The following ATXN7 variants were observed in gnomAD, a reference collection of about 807,000 sequenced individuals.
The protein encoded by ATXN7 is ataxin-7.
Under a neutral mutation model 70.5 loss-of-function variants are expected in ATXN7, and 12 were observed. The ratio of observed to expected loss-of-function variants is 0.17; its 90% CI spans 0.11 to 0.28. The LOEUF (loss-of-function observed/expected upper bound fraction) is 0.28, where lower values mean the gene tolerates loss of function less well. Ranked by LOEUF, ATXN7 falls within the 10% of genes least tolerant of loss-of-function variation. The probability of loss-of-function intolerance (pLI) is 1.00; values close to 1 mark genes in which losing one functional copy is unlikely to be tolerated. For missense variants in ATXN7, 1,256 were observed against 1,131.7 expected, an observed-to-expected ratio of 1.11 and a Z score of -1.58; for synonymous variants, 498 against 448.7, an observed-to-expected ratio of 1.11 and a Z score of -1.39.
At chr3:63,936,252 G>T (rs1289691766) in intron 4 of ATXN7, among the ~76,000 whole-genome samples, 1 of 152,038 alleles carries the variant, frequency 6.6e-6, no homozygotes, top group Non-Finnish European at 1.5e-5. Context: ...TAATTATATG[G>T]ATTTTTTTTT....
At chr3:63,960,075 G>T (rs2075102007) in intron 5 of ATXN7, among the ~76,000 whole-genome samples, 1 of 152,166 alleles carries the variant, frequency 6.6e-6, no homozygotes, top group Non-Finnish European at 1.5e-5. Flanking sequence ...AAAATGACTG[G>T]GGCAGACCAC....
At position 63,990,158 on chromosome 3, in the gene ATXN7, C is replaced by T. The variant is rs1575996636; in HGVS notation, c.1362-18C>T. ...CAGGTGTGTGATCTGATCCGTGCTG[C>T]ACTTTCTACTCACCAAGGCCTCCAG... On this transcript the variant is annotated intron_variant, in intron 9 of 12. Transcript: ENST00000674280. 6 of 1,611,526 alleles carry T rather than the reference C, an allele frequency of 3.7e-6. No homozygotes were observed. The East Asian group carries it at 8.9e-5, about 24-fold the overall frequency.
intron 12 of ATXN7, chr3:63,998,962 C>T (rs2075803211): frequency 6.3e-6 from 1 of 158,048 alleles, no homozygotes; most frequent in Non-Finnish European, 1.4e-5. Flanking sequence ...TGTTCATGGC[C>T]TGTGCCACCA....
At chr3:63,921,321 G>T (rs1704502385) in intron 4 of ATXN7, among the ~76,000 whole-genome samples, 1 of 151,878 alleles carries the variant, frequency 6.6e-6, no homozygotes, top group Admixed American at 6.5e-5. Context: ...TCATGCAACA[G>T]AAAAAAAGGT....
At chr3:63,898,011 A>G (rs1040269345) in intron 1 of ATXN7, among the ~76,000 whole-genome samples, 1 of 152,200 alleles carries the variant, frequency 6.6e-6, no homozygotes, top group Non-Finnish European at 1.5e-5. Context: ...TCTCCAGATA[A>G]TAATCTCATT....
intron 4 of ATXN7, among the ~76,000 whole-genome samples, chr3:63,949,460 G>T (rs1241904762): frequency 6.6e-6 from 1 of 151,944 alleles, no homozygotes; most frequent in East Asian, 1.9e-4. Context: ...GTGCAGTGGC[G>T]CAATCTTGGC....
At chr3:63,936,578 T>C (rs1229392758) in intron 4 of ATXN7, among the ~76,000 whole-genome samples, 2 of 152,214 alleles carry the variant, frequency 1.3e-5, no homozygotes, top group African/African-American at 4.8e-5. Flanking sequence ...GCTGGAAATA[T>C]ATCCCTTCAG....
chr3:63,966,505 C>G (rs370127807), intron 5 of ATXN7, among the ~76,000 whole-genome samples: 2 of 152,114 alleles, frequency 1.3e-5, no homozygotes, highest in African/African-American at 2.4e-5. Flanking sequence ...TCTTCCCTTG[C>G]GTTCTTCTAG....
chr3:63,964,073 AACACACACACACACAC>A (rs10557844), intron 5 of ATXN7, among the ~76,000 whole-genome samples: 7 of 147,180 alleles, frequency 4.8e-5, no homozygotes, highest in Middle Eastern at 3.5e-3. Flanking sequence ...TAGACACATA[AACACACACACACACAC>A]ACACACACAC....
At chr3:63,980,376 C>T (rs2106753968) in intron 6 of ATXN7, 1 of 649,022 alleles carries the variant, frequency 1.5e-6, no homozygotes, top group Admixed American at 3.0e-5. Flanking sequence ...AGGTTACTAA[C>T]ATTTATTGAT....
At chr3:63,892,491 A>ACACC (rs1305274117) in intron 1 of ATXN7, among the ~76,000 whole-genome samples, 1 of 148,446 alleles carries the variant, frequency 6.7e-6, no homozygotes, top group Non-Finnish European at 1.5e-5. Flanking sequence ...ACACACACAC[A>ACACC]CACCCACACA....
At position 63,999,738 on chromosome 3, in the gene ATXN7, A is replaced by G. The variant is rs1245748853; in HGVS notation, c.*271A>G. 3 of 580,536 alleles carry G rather than the reference A, an allele frequency of 5.2e-6. No individual in the cohort carries two copies. The highest frequency in any genetic ancestry group is 2.3e-5 in the South Asian group (1 of 42,908). 36.0% of individuals were successfully genotyped at this position (580,536 alleles called of 1,614,324 possible). A position where few individuals can be genotyped will look rare whatever the true frequency, so the allele number is the denominator to read the frequency against. On this transcript the variant is annotated 3_prime_UTR_variant, in exon 13 of 13. Coordinates refer to ENST00000674280, the MANE Select transcript of ATXN7 (RefSeq NM_001377405.1). ...AAGTGGTCTGAACTGCTTGCTACCA[A>G]TCTGTGAGAAGTTTTTGTTTTTGTT...
At chr3:63,997,731 A>G (rs368208528) in intron 12 of ATXN7, 1 of 1,547,282 alleles carries the variant, frequency 6.5e-7, no homozygotes, top group African/African-American at 1.4e-5. Flanking sequence ...CCTCGTCTTC[A>G]GAACTTAACT....
Position 63,996,233 on chromosome 3 carries a change from T to C in ATXN7, c.2411T>C (p.Leu804Pro). Residue 804 changes from leucine (L) to proline (P), a missense_variant, in exon 12 of 13, where the codon CTT becomes CCT. Leu to Pro is a moderately conservative substitution (Grantham distance 98). Coordinates refer to ENST00000674280, the MANE Select transcript of ATXN7 (RefSeq NM_001377405.1). ...AACAGCAGTGATTCTACTCTTTCTC[T>C]TGGGCCATTCATTCACCAGTCCAAT... is the stretch of plus-strand genomic sequence containing the variant. ...MVNSSDSTLS[L>P]GPFIHQSNEL... is the part of the protein sequence containing the mutation. The C allele has an allele frequency of 6.2e-7, 1 of 1,614,170 alleles. No homozygotes were observed. Among genetic ancestry groups the C allele is most frequent in the Non-Finnish European group, 8.5e-7 (1 of 1,180,028 alleles).
At chr3:63,915,374 A>G in intron 4 of ATXN7, among the ~76,000 whole-genome samples, 1 of 152,126 alleles carries the variant, frequency 6.6e-6, no homozygotes, top group South Asian at 2.1e-4. Flanking sequence ...TCAGTTCTTC[A>G]TTTGTTTGTG....
intron 5 of ATXN7, among the ~76,000 whole-genome samples, chr3:63,962,529 C>T (rs762609615): frequency 8.6e-5 from 13 of 151,942 alleles, no homozygotes; most frequent in Non-Finnish European, 1.8e-4. Flanking sequence ...CTCAGCCTCC[C>T]GAGTAACTGG....
chr3:63,907,784 TA>T (rs959252533), intron 2 of ATXN7, among the ~76,000 whole-genome samples: 7 of 152,114 alleles, frequency 4.6e-5, no homozygotes, highest in African/African-American at 1.7e-4. Context: ...TTTCTATTTG[TA>T]AAAAATTCCT....
At chr3:63,993,174 C>T (rs2075698883) in intron 11 of ATXN7, among the ~76,000 whole-genome samples, 1 of 151,914 alleles carries the variant, frequency 6.6e-6, no homozygotes, top group African/African-American at 2.4e-5. Flanking sequence ...TGCCCACCTT[C>T]TATGATTTCT....
At chr3:63,982,623 A>AGTGTGTGTGTGTGTGTGTGTGT (rs71099784) in intron 7 of ATXN7, among the ~76,000 whole-genome samples, 178 bp downstream of exon 7, 3 of 143,464 alleles carry the variant, frequency 2.1e-5, no homozygotes, top group Admixed American at 7.0e-5. Context: ...AAAGAGCATG[A>AGTGTGTGTGTGTGTGTGTGTGT]GTGTGTGTGT....
Sources: allele counts gnomAD v4.1 joint callset (sites outside exome capture counted in the v4.1 genomes callset), GRCh38; gene constraint gnomAD v4.1.1; transcripts MANE v1.5; gene names NCBI Gene and HGNC (gene_info 2026-07-23, HGNC 2026-07-21).